Variants in ADCY9 observed in about 807,000 individuals in gnomAD.
The protein encoded by ADCY9 is adenylate cyclase type 9.
A neutral mutation model predicts 101.5 loss-of-function variants in ADCY9; 50 were observed. The ratio of observed to expected loss-of-function variants is 0.49; its 90% CI spans 0.39 to 0.62. The LOEUF is 0.62. Among genes scored for constraint, ADCY9 ranks in the 20% least tolerant of loss-of-function variants. The pLI, the probability that ADCY9 is intolerant of heterozygous loss-of-function variation, is 0.00. For synonymous variants in ADCY9, 905 were observed against 769.3 expected (o/e 1.18, Z -2.92); for missense variants, 1,662 against 1,800.4 (o/e 0.92, Z 1.39).
At chr16:3,973,205 TTTTTA>T (rs572538311) in intron 10 of ADCY9, among the ~76,000 whole-genome samples, 51 of 152,276 alleles carry the variant, frequency 3.3e-4, no homozygotes, top group Non-Finnish European at 6.5e-4. Flanking sequence ...ATGAATCTTT[TTTTTA>T]TTTTATTTTA....
intron 2 of ADCY9, among the ~76,000 whole-genome samples, chr16:4,072,590 C>T (rs1312942528): frequency 5.3e-5 from 8 of 152,046 alleles, no homozygotes; most frequent in African/African-American, 1.9e-4. Flanking sequence ...AGCTTCTGTG[C>T]ATAAGCCCCT....
chr16:3,993,553 C>A (rs760998754), intron 3 of ADCY9, 43 bp from the exon 4 acceptor site: 1 of 1,602,914 alleles, frequency 6.2e-7, no homozygotes, highest in East Asian at 2.2e-5. Flanking sequence ...CCAGAAACCG[C>A]GACTGCCACC....
At chr16:4,041,450 G>A (rs957321245) in intron 2 of ADCY9, among the ~76,000 whole-genome samples, 1 of 147,642 alleles carries the variant, frequency 6.8e-6, no homozygotes, top group South Asian at 2.1e-4. Context: ...GTTGCAGTGA[G>A]CTGAGATCAC....
chr16:4,076,858 C>T (rs1328722676), intron 2 of ADCY9, among the ~76,000 whole-genome samples: 1 of 152,104 alleles, frequency 6.6e-6, no homozygotes, highest in African/African-American at 2.4e-5. Context: ...AGGAGGATCA[C>T]CTGAGGTGAG....
intron 2 of ADCY9, among the ~76,000 whole-genome samples, chr16:4,034,101 C>A (rs1021592352): frequency 6.6e-6 from 1 of 152,130 alleles, no homozygotes; most frequent in East Asian, 1.9e-4. Flanking sequence ...GGTGAGCCTG[C>A]AGATCAGAGA....
chr16:4,108,359 C>CTTTTTTT (rs1491172269), intron 2 of ADCY9, among the ~76,000 whole-genome samples: 22 of 53,472 alleles, frequency 4.1e-4, no homozygotes, highest in Non-Finnish European at 5.4e-4. Flanking sequence ...ACCGTTTCTT[C>CTTTTTTT]ATTTTTTTTT....
chr16:3,970,956 C>T (rs2056046279), intron 10 of ADCY9, among the ~76,000 whole-genome samples: 1 of 152,164 alleles, frequency 6.6e-6, no homozygotes. Context: ...TTGGAAAGAC[C>T]TGCCTGCAAA....
intron 2 of ADCY9, among the ~76,000 whole-genome samples, chr16:4,041,919 GTTT>G (rs750737772): frequency 6.0e-5 from 6 of 100,670 alleles, no homozygotes; most frequent in African/African-American, 1.2e-4. Flanking sequence ...CCCCAGCTAA[GTTT>G]TTTTTTTTTT....
intron 2 of ADCY9, among the ~76,000 whole-genome samples, chr16:4,112,934 C>A (rs766754964): frequency 6.6e-6 from 1 of 151,960 alleles, no homozygotes; most frequent in Non-Finnish European, 1.5e-5. Flanking sequence ...AAACAAGCAG[C>A]CCAGTAAAAA....
intron 2 of ADCY9, among the ~76,000 whole-genome samples, chr16:4,097,487 T>TATATATATACACACACACACACAC (rs76750792): frequency 2.1e-4 from 15 of 72,502 alleles, no homozygotes; most frequent in East Asian, 3.7e-4. Context: ...TATATATATA[T>TATATATATACACACACACACACAC]ACACACACAC....
chr16:4,031,809 C>T (rs1203083479), intron 2 of ADCY9, among the ~76,000 whole-genome samples: 8 of 151,532 alleles, frequency 5.3e-5, no homozygotes, highest in Non-Finnish European at 1.2e-4. Context: ...CCTGGGAGGT[C>T]GAGGCAGAGG....
chr16:3,966,389 C>T lies in ADCY9; in HGVS notation c.3448G>A (p.Asp1150Asn), dbSNP rs780311928. The change falls in exon 11 of 11, where the codon GAC becomes AAC. Residue 1150 changes from aspartate to asparagine, a missense_variant. Physicochemically the swap from Asp to Asn is conservative, Grantham distance 23. Around this residue, in one of 5 missense-constraint regions of ADCY9, gnomAD observed 220 missense variants for 312.9 expected, o/e 0.70. Coordinates refer to ENST00000294016, the MANE Select transcript of ADCY9 (RefSeq NM_001116.4). ...EFAKEMMRVVDDFNNNMLWFN... is the reference protein window; with the variant it reads ...EFAKEMMRVVNDFNNNMLWFN... Reference sequence around the variant, plus strand: ...CACAGCATGTTGTTGTTGAAGTCGTCCACCACGCGCATCATCTCCTTGGCG... The same window carrying T: ...CACAGCATGTTGTTGTTGAAGTCGTTCACCACGCGCATCATCTCCTTGGCG... 5 of 1,614,094 alleles carry T rather than the reference C, an allele frequency of 3.1e-6. No homozygotes were observed. Among genetic ancestry groups the T allele is most frequent in the Non-Finnish European group, 1.7e-6 (2 of 1,180,034 alleles).
At chr16:4,004,618 G>A (rs2056354781) in intron 3 of ADCY9, among the ~76,000 whole-genome samples, 2 of 152,200 alleles carry the variant, frequency 1.3e-5, no homozygotes, top group South Asian at 4.1e-4. Flanking sequence ...ATTACTACAT[G>A]CCAGGCACCA....
chr16:4,021,845 G>A (rs1353878364), intron 2 of ADCY9, among the ~76,000 whole-genome samples: 3 of 152,128 alleles, frequency 2.0e-5, no homozygotes, highest in South Asian at 4.1e-4. Flanking sequence ...TCTTTGAAAC[G>A]CATGAAATCC....
intron 2 of ADCY9, among the ~76,000 whole-genome samples, chr16:4,081,111 G>A (rs1026182467): frequency 7.2e-5 from 11 of 152,210 alleles, no homozygotes; most frequent in Admixed American, 2.0e-4. Flanking sequence ...GCGTGCTCAT[G>A]TGTGTGGATG....
chr16:4,097,217 C>A (rs1157935122), intron 2 of ADCY9, among the ~76,000 whole-genome samples: 3 of 151,970 alleles, frequency 2.0e-5, no homozygotes, highest in Non-Finnish European at 4.4e-5. Flanking sequence ...CAGTCCCAAG[C>A]TGTCCACACT....
intron 2 of ADCY9, among the ~76,000 whole-genome samples, chr16:4,109,362 C>A (rs2057099437): frequency 6.6e-6 from 1 of 152,178 alleles, no homozygotes. Context: ...CTTAAAAATT[C>A]TTGTCCCCTA....
intron 2 of ADCY9, among the ~76,000 whole-genome samples, chr16:4,095,799 A>T (rs377030305): frequency 6.6e-6 from 1 of 151,916 alleles, no homozygotes; most frequent in Non-Finnish European, 1.5e-5. Flanking sequence ...CAACATGATG[A>T]AACCCCATCT....
At chr16:4,008,724 G>A (rs2141721875) in intron 2 of ADCY9, among the ~76,000 whole-genome samples, 1 of 152,168 alleles carries the variant, frequency 6.6e-6, no homozygotes, top group South Asian at 2.1e-4. Flanking sequence ...CACCACGCCT[G>A]GCTAATTTTT....
Sources: allele counts gnomAD v4.1 joint callset (sites outside exome capture counted in the v4.1 genomes callset), GRCh38; gene constraint gnomAD v4.1.1; regional missense constraint gnomAD v4.1.1; transcripts MANE v1.5; gene names NCBI Gene and HGNC (gene_info 2026-07-23, HGNC 2026-07-21).